The following PALM2AKAP2 variants were observed in gnomAD, a reference collection of about 807,000 sequenced individuals.
PALM2AKAP2 encodes the protein PALM2 and AKAP2 fusion.
In PALM2AKAP2, 37 loss-of-function variants were observed where a neutral mutation model predicts 71.5. The observed-to-expected ratio is 0.52, with a 90% CI of 0.40 to 0.68. PALM2AKAP2 has a LOEUF of 0.68. Among genes scored for constraint, PALM2AKAP2 ranks in the 30% least tolerant of loss-of-function variants. The probability of loss-of-function intolerance (pLI) is 0.00; values close to 1 mark genes in which losing one functional copy is unlikely to be tolerated. For synonymous variants in PALM2AKAP2, 468 were observed against 478.8 expected, an observed-to-expected ratio of 0.98 and a Z score of 0.29; for missense variants, 1,224 against 1,191.8, an observed-to-expected ratio of 1.03 and a Z score of -0.40.
chr9:109,675,623 A>T (rs1030779794), intron 1 of PALM2AKAP2, among the ~76,000 whole-genome samples: 5 of 152,176 alleles, frequency 3.3e-5, no homozygotes, highest in African/African-American at 9.6e-5. Context: ...TTAGGCACAG[A>T]GTTATTCAGC....
At chr9:109,769,608 T>C (rs541348009) in intron 1 of PALM2AKAP2, among the ~76,000 whole-genome samples, 1 of 152,040 alleles carries the variant, frequency 6.6e-6, no homozygotes, top group Non-Finnish European at 1.5e-5. Flanking sequence ...CCAACAGTGG[T>C]TGGGGGGAAA....
At chr9:109,985,227 G>A (rs144902620) in intron 6 of PALM2AKAP2, among the ~76,000 whole-genome samples, 52 of 152,012 alleles carry the variant, frequency 3.4e-4, no homozygotes, top group African/African-American at 1.0e-3. Context: ...TATTTTGCAC[G>A]TTACCTTTTT....
intron 1 of PALM2AKAP2, among the ~76,000 whole-genome samples, chr9:109,682,243 A>AT (rs1827747822): frequency 5.3e-5 from 8 of 152,196 alleles, no homozygotes; most frequent in African/African-American, 1.9e-4. Context: ...AACTCTAATG[A>AT]CCAGAATGTT....
At chr9:109,992,460 G>C (rs1832502123) in intron 6 of PALM2AKAP2, among the ~76,000 whole-genome samples, 1 of 152,138 alleles carries the variant, frequency 6.6e-6, no homozygotes. Flanking sequence ...GTCTACTTCT[G>C]TCGCCCAGGC....
At chr9:109,991,595 G>A (rs1236670023) in intron 6 of PALM2AKAP2, among the ~76,000 whole-genome samples, 2 of 152,158 alleles carry the variant, frequency 1.3e-5, no homozygotes, top group Non-Finnish European at 2.9e-5. Context: ...CACTTTCGAA[G>A]ATTCTCAAAG....
intron 2 of PALM2AKAP2, among the ~76,000 whole-genome samples, chr9:109,869,849 G>A (rs1829558445): frequency 6.6e-6 from 1 of 152,184 alleles, no homozygotes; most frequent in Non-Finnish European, 1.5e-5. Flanking sequence ...TCGCACCATG[G>A]CAACCTTGCT....
intron 1 of PALM2AKAP2, among the ~76,000 whole-genome samples, chr9:110,095,222 G>A (rs1834808499): frequency 6.6e-6 from 1 of 152,166 alleles, no homozygotes; most frequent in African/African-American, 2.4e-5. Flanking sequence ...AGGAACAAGG[G>A]ACTGCCAGAA....
At chr9:110,092,006 A>G (rs1201694469) in intron 1 of PALM2AKAP2, among the ~76,000 whole-genome samples, 2 of 152,156 alleles carry the variant, frequency 1.3e-5, no homozygotes, top group Admixed American at 6.5e-5. Flanking sequence ...TGTGTCTGAC[A>G]CTTTTCATGT....
chr9:109,951,255 T>C (rs1406147390), intron 6 of PALM2AKAP2, among the ~76,000 whole-genome samples: 1 of 109,800 alleles, frequency 9.1e-6, no homozygotes, highest in Non-Finnish European at 1.9e-5. Context: ...GGGGTGGGGG[T>C]GGGAGCCTGT....
intron 1 of PALM2AKAP2, among the ~76,000 whole-genome samples, chr9:109,643,871 G>A (rs1827109800): frequency 6.6e-6 from 1 of 152,192 alleles, no homozygotes; most frequent in South Asian, 2.1e-4. Flanking sequence ...TCTGCAGGCT[G>A]TATAGAAGTG....
intron 1 of PALM2AKAP2, among the ~76,000 whole-genome samples, chr9:109,849,906 A>G (rs1587958239): frequency 6.6e-6 from 1 of 152,136 alleles, no homozygotes; most frequent in East Asian, 1.9e-4. Context: ...TTTATCAGAT[A>G]TTAGCACTGG....
At chr9:109,958,608 C>T (rs555357213) in intron 6 of PALM2AKAP2, among the ~76,000 whole-genome samples, 6 of 140,888 alleles carry the variant, frequency 4.3e-5, no homozygotes, top group East Asian at 4.1e-4. Flanking sequence ...GGAAGAGGAG[C>T]GAGAGAAAAG....
intron 1 of PALM2AKAP2, among the ~76,000 whole-genome samples, chr9:109,863,679 C>A (rs1228348131): frequency 6.6e-6 from 1 of 152,202 alleles, no homozygotes; most frequent in Non-Finnish European, 1.5e-5. Context: ...TCAGAAACTG[C>A]AAGTGAGTTC....
intron 1 of PALM2AKAP2, among the ~76,000 whole-genome samples, chr9:109,703,553 T>C (rs1332112784): frequency 6.6e-6 from 1 of 152,160 alleles, no homozygotes; most frequent in Non-Finnish European, 1.5e-5. Context: ...TCAAAATAGC[T>C]TCTTTATTCA....
intron 3 of PALM2AKAP2, among the ~76,000 whole-genome samples, chr9:109,911,362 T>C (rs1216453663): frequency 6.6e-6 from 1 of 152,196 alleles, no homozygotes; most frequent in Non-Finnish European, 1.5e-5. Context: ...GGAAATCCAC[T>C]TGCACAGATT....
chr9:109,882,878 G>T (rs917230979), intron 3 of PALM2AKAP2, among the ~76,000 whole-genome samples: 2 of 151,972 alleles, frequency 1.3e-5, no homozygotes, highest in Non-Finnish European at 2.9e-5. Flanking sequence ...TGAACTGCTG[G>T]CTTCATGTGA....
At chr9:109,823,286 C>T (rs1232729998) in intron 1 of PALM2AKAP2, among the ~76,000 whole-genome samples, 1 of 152,128 alleles carries the variant, frequency 6.6e-6, no homozygotes, top group African/African-American at 2.4e-5. Context: ...TGGACCCTGC[C>T]CTGAACCCAC....
exon 4 of PALM2AKAP2, chr9:110,171,426 TC>T (rs1333373697): frequency 1.3e-5 from 2 of 152,354 alleles, no homozygotes; most frequent in African/African-American, 4.8e-5. Flanking sequence ...TATGCTGCCT[TC>T]CGGATTACTG....
At chr9:110,092,497 T>C (rs1189673762) in intron 1 of PALM2AKAP2, among the ~76,000 whole-genome samples, 1 of 152,214 alleles carries the variant, frequency 6.6e-6, no homozygotes, top group Non-Finnish European at 1.5e-5. Context: ...ATAAATACTT[T>C]AGTTAGTAAA....
Sources: allele counts gnomAD v4.1 joint callset (sites outside exome capture counted in the v4.1 genomes callset), GRCh38; gene constraint gnomAD v4.1.1; transcripts MANE v1.5; gene names NCBI Gene and HGNC (gene_info 2026-07-23, HGNC 2026-07-21).